Variants in PABPC4L observed in about 807,000 individuals in gnomAD.
PABPC4L encodes the protein poly(A) binding protein cytoplasmic 4 like.
For synonymous variants in PABPC4L, 169 were observed against 164.1 expected (o/e 1.03, Z -0.23); for missense variants, 452 against 451.4 (o/e 1.00, Z -0.01).
the PABPC4L span, among the ~76,000 whole-genome samples, chr4:134,022,550 C>A: frequency 6.6e-6 from 1 of 151,902 alleles, no homozygotes; most frequent in African/African-American, 2.4e-5. Context: ...CAATAGAGTC[C>A]TTTCCTTAAT....
At chr4:134,053,363 C>T in the PABPC4L span, among the ~76,000 whole-genome samples, 1 of 152,182 alleles carries the variant, frequency 6.6e-6, no homozygotes, top group East Asian at 1.9e-4. Context: ...AGAGCAAGGT[C>T]TCCTCAATAG....
At chr4:134,016,649 G>C in the PABPC4L span, among the ~76,000 whole-genome samples, 25 of 152,248 alleles carry the variant, frequency 1.6e-4, no homozygotes, top group African/African-American at 6.0e-4. Flanking sequence ...CTTAGACCAA[G>C]GAAAATATCT....
At chr4:134,136,168 T>A in the PABPC4L span, among the ~76,000 whole-genome samples, 1 of 152,128 alleles carries the variant, frequency 6.6e-6, no homozygotes, top group African/African-American at 2.4e-5. Flanking sequence ...AATATTTAAT[T>A]AATCTTTTAT....
At chr4:134,189,324 CATTT>C in the PABPC4L span, among the ~76,000 whole-genome samples, 156 of 148,982 alleles carry the variant, frequency 1.0e-3, no homozygotes, top group Non-Finnish European at 1.6e-3. Context: ...CTTCAAATTG[CATTT>C]TGCCATTTAG....
the PABPC4L span, among the ~76,000 whole-genome samples, chr4:134,135,268 C>T: frequency 1.3e-5 from 2 of 152,000 alleles, no homozygotes; most frequent in South Asian, 4.1e-4. Flanking sequence ...CTGGTATTTT[C>T]TGATTTTGCT....
the PABPC4L span, among the ~76,000 whole-genome samples, chr4:134,065,746 T>G: frequency 6.6e-6 from 1 of 152,140 alleles, no homozygotes; most frequent in Non-Finnish European, 1.5e-5. Context: ...TTTTTATATT[T>G]TCAGGTTTTA....
the PABPC4L span, among the ~76,000 whole-genome samples, chr4:134,036,078 G>C: frequency 6.6e-6 from 1 of 151,948 alleles, no homozygotes; most frequent in Non-Finnish European, 1.5e-5. Context: ...GATGAGGTTT[G>C]GGTGGGGACA....
At chr4:133,956,055 T>G in the PABPC4L span, among the ~76,000 whole-genome samples, 13 of 152,098 alleles carry the variant, frequency 8.5e-5, no homozygotes, top group African/African-American at 2.9e-4. Flanking sequence ...CAAATGGACT[T>G]ATTAAAAAAA....
chr4:134,059,905 C>A, the PABPC4L span, among the ~76,000 whole-genome samples: 1 of 152,058 alleles, frequency 6.6e-6, no homozygotes, highest in Non-Finnish European at 1.5e-5. Flanking sequence ...TTCACAGTAC[C>A]TGGTTTTAAC....
chr4:134,082,985 A>G, the PABPC4L span, among the ~76,000 whole-genome samples: 1 of 152,160 alleles, frequency 6.6e-6, no homozygotes, highest in African/African-American at 2.4e-5. Context: ...TGGGGTTAGC[A>G]TGACCATCAC....
chr4:134,154,352 A>T, the PABPC4L span, among the ~76,000 whole-genome samples: 43 of 152,178 alleles, frequency 2.8e-4, no homozygotes, highest in African/African-American at 1.0e-3. Context: ...GCTACTTGGG[A>T]GGCTGAGGCA....
chr4:134,176,259 A>G, the PABPC4L span, among the ~76,000 whole-genome samples: 1 of 152,090 alleles, frequency 6.6e-6, no homozygotes, highest in Non-Finnish European at 1.5e-5. Context: ...TAATAGATAA[A>G]TGATTATAAG....
the PABPC4L span, among the ~76,000 whole-genome samples, chr4:134,023,170 A>T: frequency 6.6e-6 from 1 of 152,126 alleles, no homozygotes; most frequent in East Asian, 1.9e-4. Flanking sequence ...TGATTCTGCA[A>T]GATTTAGGCA....
At chr4:134,136,971 T>A in the PABPC4L span, among the ~76,000 whole-genome samples, 1 of 151,988 alleles carries the variant, frequency 6.6e-6, no homozygotes, top group Non-Finnish European at 1.5e-5. Flanking sequence ...TTAGTTGTGT[T>A]GATAACGCTG....
chr4:134,136,446 A>G, the PABPC4L span, among the ~76,000 whole-genome samples: 3 of 152,072 alleles, frequency 2.0e-5, no homozygotes, highest in East Asian at 5.8e-4. Context: ...GATAATTTTT[A>G]CCCATGGAGC....
At chr4:134,079,687 C>CTG in the PABPC4L span, among the ~76,000 whole-genome samples, 17 of 144,028 alleles carry the variant, frequency 1.2e-4, no homozygotes, top group African/African-American at 3.3e-4. Flanking sequence ...GTGTGTGTGT[C>CTG]TGTGTGTGTG....
At chr4:133,969,378 T>G in the PABPC4L span, among the ~76,000 whole-genome samples, 1 of 150,408 alleles carries the variant, frequency 6.6e-6, no homozygotes, top group South Asian at 2.1e-4. Context: ...CAGAGAAAAG[T>G]GTGCCTCTTC....
chr4:134,113,312 C>G, the PABPC4L span, among the ~76,000 whole-genome samples: 1 of 151,894 alleles, frequency 6.6e-6, no homozygotes, highest in Non-Finnish European at 1.5e-5. Context: ...CACTGACTCA[C>G]CAGAGAAACT....
chr4:134,077,103 G>A, the PABPC4L span, among the ~76,000 whole-genome samples: 1 of 152,004 alleles, frequency 6.6e-6, no homozygotes, highest in African/African-American at 2.4e-5. Flanking sequence ...ATCTTCTATT[G>A]TGCTTAAATT....
Sources: gnomAD v4.1 joint callset for allele counts (sites outside exome capture counted in the v4.1 genomes callset) on GRCh38, gnomAD v4.1.1 for gene constraint, MANE v1.5 for transcripts, NCBI Gene and HGNC (gene_info 2026-07-23, HGNC 2026-07-21) for gene names.